SPICE1: variants seen among roughly 807,000 people sequenced by gnomAD.
SPICE1 encodes the protein spindle and centriole-associated protein 1.
Under a neutral mutation model 102.7 loss-of-function variants are expected in SPICE1, and 75 were observed. The ratio of observed to expected loss-of-function variants is 0.73; its 90% CI spans 0.61 to 0.88. SPICE1 has a LOEUF of 0.88. SPICE1 is among the 40% of genes least tolerant of loss of function. SPICE1 has a pLI of 0.00. For synonymous variants in SPICE1, 308 were observed against 350.3 expected (o/e 0.88, Z 1.35); for missense variants, 979 against 1,020.1 (o/e 0.96, Z 0.55).
rs141190252 is a variant in SPICE1 at position 113,503,221 on chromosome 3, C to T, written c.106G>A (p.Val36Met). 10 of 1,574,744 alleles carry T rather than the reference C, an allele frequency of 6.4e-6. No homozygotes were observed. Among genetic ancestry groups the T allele is most frequent in the Admixed American group, 1.9e-5 (1 of 52,322 alleles). Residue 36 changes from valine to methionine, a missense_variant, in exon 3 of 18, where the codon GTG becomes ATG. Physicochemically the swap from Val to Met is conservative, Grantham distance 21. Coordinates refer to ENST00000295872, the MANE Select transcript of SPICE1 (RefSeq NM_144718.4). ...TSVKQEWDNTVTDLTVHRATP... is the reference protein window; with the variant it reads ...TSVKQEWDNTMTDLTVHRATP... ...GCCCGATGAACGGTTAGATCAGTCA[C>T]GGTATTCTGTAAAAAAAGGTGGCCT...
chr3:113,509,637 C>G (rs1576652663), intron 1 of SPICE1, among the ~76,000 whole-genome samples: 2 of 152,166 alleles, frequency 1.3e-5, no homozygotes, highest in African/African-American at 4.8e-5. Flanking sequence ...GGGTTCACAT[C>G]CCAGCTTTTT....
rs1331168750 is a variant in SPICE1 at position 113,445,292 on chromosome 3, G to A, written c.*15C>T. The A allele has an allele frequency of 5.0e-6, 8 of 1,606,948 alleles. No homozygotes were observed. Among genetic ancestry groups the A allele is most frequent in the East Asian group, 2.2e-5 (1 of 44,616 alleles). ...ATAAATTATTAAGAACAAACTCAGT[G>A]AGACTTGACTTCACTTATGATACAT... On this transcript the variant is annotated 3_prime_UTR_variant, in exon 18 of 18. Coordinates refer to ENST00000295872, the MANE Select transcript of SPICE1 (RefSeq NM_144718.4).
intron 7 of SPICE1, among the ~76,000 whole-genome samples, chr3:113,478,556 A>G (rs1936416204): frequency 6.6e-6 from 1 of 152,200 alleles, no homozygotes; most frequent in Non-Finnish European, 1.5e-5. Context: ...ACATGGACCA[A>G]AAAACACAAG....
intron 1 of SPICE1, among the ~76,000 whole-genome samples, chr3:113,512,160 C>T (rs1937233477): frequency 6.6e-6 from 1 of 152,182 alleles, no homozygotes; most frequent in Non-Finnish European, 1.5e-5. Context: ...AAACTCACAA[C>T]CCACAGAAAT....
At chr3:113,475,350 G>C (rs1936316002) in intron 7 of SPICE1, among the ~76,000 whole-genome samples, 1 of 152,146 alleles carries the variant, frequency 6.6e-6, no homozygotes. Context: ...AATTCTACCA[G>C]AGGTACAAGG....
intron 4 of SPICE1, among the ~76,000 whole-genome samples, chr3:113,495,840 C>T (rs1221977533): frequency 1.3e-5 from 2 of 151,922 alleles, no homozygotes; most frequent in African/African-American, 4.8e-5. Flanking sequence ...AAAGCATTGA[C>T]CTATCAAAAT....
At chr3:113,503,034 G>A (rs1937039084) in intron 3 of SPICE1, 146 bp downstream of exon 3, 1 of 709,726 alleles carries the variant, frequency 1.4e-6, no homozygotes, top group Non-Finnish European at 2.3e-6. Context: ...CAGAAGATAG[G>A]CGTTTTGATT....
At chr3:113,462,485 C>T (rs1208997776) in intron 11 of SPICE1, among the ~76,000 whole-genome samples, 1 of 152,044 alleles carries the variant, frequency 6.6e-6, no homozygotes, top group African/African-American at 2.4e-5. Flanking sequence ...TCAGCAGTTG[C>T]TAGGTTAAAA....
chr3:113,464,725 AG>A (rs1936011946), intron 11 of SPICE1, among the ~76,000 whole-genome samples: 1 of 152,232 alleles, frequency 6.6e-6, no homozygotes, highest in Non-Finnish European at 1.5e-5. Flanking sequence ...TGTACACTCA[AG>A]AAGCATACAG....
rs1365006638 is a variant in SPICE1, at chr3:113,464,274, A to T, written c.1287+1379T>A. 6.0e-3 allele frequency among the ~76,000 whole-genome samples: 740 copies of T among 123,356 alleles called. 7 individuals carry two copies. Among genetic ancestry groups the T allele is most frequent in the African/African-American group, 0.019 (621 of 32,054 alleles). 80.9% of individuals were successfully genotyped at this position (123,356 alleles called of 152,430 possible). A position where few individuals can be genotyped will look rare whatever the true frequency, so the allele number is the denominator to read the frequency against. ...TTTTGTTGTTTTTTTTTTTTTTTTT[A>T]GAGACAGGGTCTCACTCTGTCACCT... is the stretch of plus-strand genomic sequence containing the variant. On this transcript the variant is annotated intron_variant, in intron 11 of 17. Coordinates refer to ENST00000295872, the MANE Select transcript of SPICE1 (RefSeq NM_144718.4).
Position 113,450,413 on chromosome 3 carries a change from A to C in SPICE1, c.2246T>G (p.Ile749Arg). 6.2e-7 allele frequency: 1 copy of C among 1,613,998 alleles called. No homozygotes were observed. Among genetic ancestry groups the C allele is most frequent in the Non-Finnish European group, 8.5e-7 (1 of 1,180,000 alleles). ...MEARGKLLQLIEQQKLVGLNL... is the reference protein window; with the variant it reads ...MEARGKLLQLREQQKLVGLNL... The stretch of plus-strand genomic sequence containing the variant: ...CAAACCAACAAGTTTCTGCTGCTCT[A>C]TCAACTGCAGTAGTTTTCCACGAGC... Residue 749 changes from isoleucine (I) to arginine (R), a missense_variant, in exon 15 of 18, where the codon ATA becomes AGA. Coordinates refer to ENST00000295872, the MANE Select transcript of SPICE1 (RefSeq NM_144718.4).
chr3:113,450,251 C>A (rs1422896044), intron 15 of SPICE1, 85 bp downstream of exon 15: 1 of 1,521,610 alleles, frequency 6.6e-7, no homozygotes, highest in Non-Finnish European at 9.1e-7. Context: ...TCTGATACTT[C>A]TTTTGGCTTA....
rs140563859 is a variant in SPICE1 at position 113,464,546 on chromosome 3, C to T, written c.1287+1107G>A. The stretch of plus-strand genomic sequence containing the variant: ...TGGGGATTAAAGGTGTGAGCCACTG[C>T]GCCTCGCCCTATATTATCAATTTTA... On this transcript the variant is annotated intron_variant, in intron 11 of 17. Coordinates refer to ENST00000295872, the MANE Select transcript of SPICE1 (RefSeq NM_144718.4). Among the ~76,000 whole-genome samples the T allele has an allele frequency of 9.9e-4, 150 of 152,182 alleles. 1 individual carries two copies. The highest frequency in any genetic ancestry group is 3.4e-3 in the Middle Eastern group (1 of 294).
intron 6 of SPICE1, 36 bp from the exon 7 acceptor site, chr3:113,489,099 A>ATT (rs1366252871): frequency 7.7e-7 from 1 of 1,299,438 alleles, no homozygotes. Flanking sequence ...GCACAAGTTG[A>ATT]TTATATATAT....
At chr3:113,476,735 G>T (rs1370855937) in intron 7 of SPICE1, among the ~76,000 whole-genome samples, 16 of 150,484 alleles carry the variant, frequency 1.1e-4, no homozygotes, top group Admixed American at 4.6e-4. Context: ...TAGCCATATG[G>T]AGAAAGCTGA....
At position 113,503,246 on chromosome 3, in the gene SPICE1, T is replaced by A. The variant is rs1278398119; in HGVS notation, c.100-19A>T. On this transcript the variant is annotated intron_variant, in intron 2 of 17. Transcript: ENST00000295872. ...CGGTATTCTGTAAAAAAAGGTGGCC[T>A]TTCTTTAAAAAAAAAAAAAAGTTTT... The A allele has an allele frequency of 6.4e-7, 1 of 1,554,990 alleles. No homozygotes were observed. The highest frequency in any genetic ancestry group is 8.6e-7 in the Non-Finnish European group (1 of 1,159,562).
chr3:113,500,307 T>C (rs900225259), intron 3 of SPICE1, among the ~76,000 whole-genome samples: 2 of 152,126 alleles, frequency 1.3e-5, no homozygotes, highest in African/African-American at 4.8e-5. Flanking sequence ...TATGATAAAA[T>C]GTACTACTGA....
chr3:113,478,338 A>T (rs1212856966), intron 7 of SPICE1, among the ~76,000 whole-genome samples: 1 of 152,152 alleles, frequency 6.6e-6, no homozygotes, highest in Non-Finnish European at 1.5e-5. Flanking sequence ...CCAGAAGGCT[A>T]AATATATTAA....
chr3:113,513,827 T>C (rs1289199120), intron 1 of SPICE1, among the ~76,000 whole-genome samples: 1 of 152,236 alleles, frequency 6.6e-6, no homozygotes, highest in Non-Finnish European at 1.5e-5. Flanking sequence ...GTAACTAATA[T>C]TTTGAAGCAC....
Sources: allele counts gnomAD v4.1 joint callset (sites outside exome capture counted in the v4.1 genomes callset), GRCh38; gene constraint gnomAD v4.1.1; transcripts MANE v1.5; gene names NCBI Gene and HGNC (gene_info 2026-07-23, HGNC 2026-07-21).